FCRLA: variants seen among roughly 807,000 people sequenced by gnomAD.
The protein encoded by FCRLA is Fc receptor-like A.
Under a neutral mutation model 28.4 loss-of-function variants are expected in FCRLA, and 26 were observed. That is an observed-to-expected ratio of 0.91 (90% CI 0.67 to 1.27). The LOEUF (loss-of-function observed/expected upper bound fraction) is 1.27. Among genes scored for constraint, FCRLA ranks in the 50% most tolerant of loss-of-function variants. The probability of loss-of-function intolerance (pLI) is 0.00; values close to 1 mark genes in which losing one functional copy is unlikely to be tolerated. For missense variants in FCRLA, 422 were observed against 433.1 expected (o/e 0.97, Z 0.23); for synonymous variants, 174 against 168.5 (o/e 1.03, Z -0.25).
intron 2 of FCRLA, 49 bp from the exon 3 acceptor site, chr1:161,711,159 C>A: frequency 6.4e-7 from 1 of 1,567,696 alleles, no homozygotes. Context: ...TTGGGGGTGG[C>A]CCCCAAGGGA....
In FCRLA at chr1:161,710,760, C is replaced by T; in HGVS notation, c.80C>T (p.Ala27Val). 2 of 1,614,206 alleles carry T rather than the reference C, an allele frequency of 1.2e-6. No individual in the cohort carries two copies. Among genetic ancestry groups the T allele is most frequent in the Non-Finnish European group, 1.7e-6 (2 of 1,180,040 alleles). The change falls in exon 2 of 5, where the codon GCT (alanine) becomes GTT (valine). Residue 27 changes from alanine (A) to valine (V), a missense_variant and splice_region_variant. Transcript: ENST00000236938. ...TCTCCCTGGGCCATGCCCTCTTCAGCTGCCAGTTTTGAGACGCTGCAGTGT... is the reference window on the plus strand; with the variant it reads ...TCTCCCTGGGCCATGCCCTCTTCAGTTGCCAGTTTTGAGACGCTGCAGTGT... ...GVLWVAQMLL[A>V]ASFETLQCEG...
rs140395904 is a variant in FCRLA at position 161,711,946 on chromosome 1, C to T, written c.512C>T (p.Ala171Val). The T allele has an allele frequency of 7.7e-5, 124 of 1,609,496 alleles. 1 individual carries two copies. Among genetic ancestry groups the T allele is most frequent in the Middle Eastern group, 5.0e-4 (3 of 6,018 alleles). Residue 171 changes from alanine (A) to valine (V), a missense_variant, in exon 4 of 5, where the codon GCG becomes GTG. Coordinates refer to ENST00000236938, the MANE Select transcript of FCRLA (RefSeq NM_032738.4). ...VAITVQELFP[A>V]PILRAVPSAE... is the part of the protein sequence containing the mutation. ...ATCTTTTTCCCAGAACTGTTTCCAG[C>T]GCCAATTCTCAGAGCTGTACCCTCA...
At chr1:161,709,263 G>A (rs113356547) in intron 1 of FCRLA, among the ~76,000 whole-genome samples, 2,763 of 152,172 alleles carry the variant, frequency 0.018, 87 homozygotes, top group African/African-American at 0.064. Flanking sequence ...AAGTAGCTGG[G>A]ACCACAGGCA....
intron 4 of FCRLA, 131 bp from the exon 5 acceptor site, chr1:161,712,954 G>C (rs1571068977): frequency 9.9e-7 from 1 of 1,008,660 alleles, no homozygotes; most frequent in East Asian, 2.4e-5. Flanking sequence ...AGGGACACTA[G>C]AGTCCTCAAG....
At position 161,713,335 on chromosome 1, in the gene FCRLA, A is replaced by G. The variant is rs1209575656; in HGVS notation, c.1035A>G (p.Leu345=). 10 of 1,614,106 alleles carry G rather than the reference A, an allele frequency of 6.2e-6. No homozygotes were observed. The highest frequency in any genetic ancestry group is 1.1e-5 in the South Asian group (1 of 91,094). ...ACCTGCTCATGGAGTTGAGGGAATT[A>G]TCTGGCCACCGGAAGCCTGGGACCA... ...LGHLLMELRE[L]SGHRKPGTTK... The change falls in exon 5 of 5, where the codon TTA becomes TTG. Residue 345 remains leucine (L), a synonymous_variant. Transcript: ENST00000236938.
chr1:161,712,224 TTCG>T lies in FCRLA; in HGVS notation c.784+7_784+9del, dbSNP rs769441376. On this transcript the variant is annotated splice_region_variant and intron_variant, in intron 4 of 4. Coordinates refer to ENST00000236938, the MANE Select transcript of FCRLA (RefSeq NM_032738.4). ...GCTAGAGATCAGAGTGCAGGGTGAG[TTCG>T]CATCAGAGTGCAGGTTGTCTGTTTG... 6.2e-7 allele frequency: 1 copy of T among 1,607,850 alleles called. No individual in the cohort carries two copies. The highest frequency in any genetic ancestry group is 8.5e-7 in the Non-Finnish European group (1 of 1,176,174).
chr1:161,711,170 G>A (rs769715335), intron 2 of FCRLA, 38 bp from the exon 3 acceptor site: 1 of 1,579,716 alleles, frequency 6.3e-7, no homozygotes, highest in African/African-American at 1.3e-5. Flanking sequence ...CCCCAAGGGA[G>A]GCCCTGGGTG....
chr1:161,708,076 T>G (rs1394697105), intron 1 of FCRLA, among the ~76,000 whole-genome samples: 1 of 152,204 alleles, frequency 6.6e-6, no homozygotes, highest in Non-Finnish European at 1.5e-5. Context: ...AGCTTCACAT[T>G]CAAATATCAA....
intron 4 of FCRLA, 82 bp downstream of exon 4, chr1:161,712,300 C>G (rs1683142846): frequency 6.6e-7 from 1 of 1,512,962 alleles, no homozygotes; most frequent in African/African-American, 1.4e-5. Context: ...GACCTGTGAG[C>G]TGGGGTTCAG....
chr1:161,710,944 C>A, intron 2 of FCRLA, 32 bp downstream of exon 2: 1 of 1,608,600 alleles, frequency 6.2e-7, no homozygotes, highest in South Asian at 1.1e-5. Flanking sequence ...AGCAGTGCCC[C>A]AAACCCCTTC....
At position 161,713,407 on chromosome 1, in the gene FCRLA, C is replaced by T; in HGVS notation, c.*27C>T. On this transcript the variant is annotated 3_prime_UTR_variant, in exon 5 of 5. Transcript: ENST00000236938. Reference sequence around the variant, plus strand: ...AGTAAACAGTTCATCCATGATCTCACTTAACCACCCCAATAAATCTGATTC... The same window carrying T: ...AGTAAACAGTTCATCCATGATCTCATTTAACCACCCCAATAAATCTGATTC... The T allele has an allele frequency of 6.4e-7, 1 of 1,550,862 alleles. No individual in the cohort carries two copies. Among genetic ancestry groups the T allele is most frequent in the South Asian group, 1.2e-5 (1 of 85,598 alleles).
At chr1:161,710,584 T>G in intron 1 of FCRLA, 176 bp from the exon 2 acceptor site, 1 of 1,446,712 alleles carries the variant, frequency 6.9e-7, no homozygotes, top group South Asian at 1.2e-5. Flanking sequence ...TGAATCAAGG[T>G]CAAAACTATC....
chr1:161,710,715 T>C (rs963457376), intron 1 of FCRLA, 45 bp from the exon 2 acceptor site: 37 of 1,612,256 alleles, frequency 2.3e-5, no homozygotes, highest in Non-Finnish European at 3.0e-5. Flanking sequence ...TTTCTCCAAG[T>C]TGCATCATCA....
At chr1:161,712,623 G>A (rs986624576) in intron 4 of FCRLA, among the ~76,000 whole-genome samples, 2 of 152,210 alleles carry the variant, frequency 1.3e-5, no homozygotes, top group African/African-American at 4.8e-5. Context: ...TGTCCAGGGT[G>A]ATAAGGGGGC....
chr1:161,712,420 C>T (rs73015461), intron 4 of FCRLA, among the ~76,000 whole-genome samples: 3,222 of 152,266 alleles, frequency 0.021, 98 homozygotes, highest in African/African-American at 0.073. Context: ...GTGGTGCACA[C>T]CTCACCAGAC....
In FCRLA at chr1:161,710,928, G is replaced by A. The variant is rs1268030454; in HGVS notation, c.232+16G>A. The A allele has an allele frequency of 8.7e-6, 14 of 1,611,880 alleles. No homozygotes were observed. The highest frequency in any genetic ancestry group is 1.2e-5 in the Non-Finnish European group (14 of 1,179,582). ...GTGTCCTATGGTGAGGTCCTGGGAA[G>A]GCCTGAGCAGTGCCCCAAACCCCTT... On this transcript the variant is annotated intron_variant, in intron 2 of 4. Transcript: ENST00000236938.
At position 161,711,918 on chromosome 1, in the gene FCRLA, CCTAT is replaced by C. The variant is rs1412433807; in HGVS notation, c.500-13_500-10del. On this transcript the variant is annotated splice_polypyrimidine_tract_variant and intron_variant, in intron 3 of 4. Transcript: ENST00000236938. Reference sequence around the variant, plus strand: ...AAGATGGCTGAGCTCTTCTTTCCTGCCTATCTTTTTCCCAGAACTGTTTCCAGCG... The same window carrying C: ...AAGATGGCTGAGCTCTTCTTTCCTGCCTTTTTCCCAGAACTGTTTCCAGCG... 5 of 1,595,118 alleles carry C rather than the reference CCTAT, an allele frequency of 3.1e-6. No individual in the cohort carries two copies. Among genetic ancestry groups the C allele is most frequent in the Middle Eastern group, 1.7e-4 (1 of 5,952 alleles).
Position 161,713,690 on chromosome 1 carries a change from C to T in FCRLA, c.*310C>T, listed in dbSNP as rs576132754. ...AGTGGATTGAATACAGCAGTCTCAA[C>T]TGGGGGCAATTTTGCCCCCCAGAGG... On this transcript the variant is annotated 3_prime_UTR_variant, in exon 5 of 5. Coordinates refer to ENST00000236938, the MANE Select transcript of FCRLA (RefSeq NM_032738.4). The T allele has an allele frequency of 2.2e-4, 46 of 204,730 alleles. No homozygotes were observed. The highest frequency in any genetic ancestry group is 9.1e-4 in the African/African-American group (39 of 42,986). The allele number at this position is 204,730 out of a possible 1,614,324, so 12.7% of individuals were successfully genotyped here.
At chr1:161,709,359 T>C (rs1165291472) in intron 1 of FCRLA, among the ~76,000 whole-genome samples, 1 of 152,168 alleles carries the variant, frequency 6.6e-6, no homozygotes, top group Non-Finnish European at 1.5e-5. Flanking sequence ...CTCAAACTCC[T>C]GGGCTCAAGG....
Sources: allele counts gnomAD v4.1 joint callset (sites outside exome capture counted in the v4.1 genomes callset), GRCh38; gene constraint gnomAD v4.1.1; transcripts MANE v1.5; gene names NCBI Gene and HGNC (gene_info 2026-07-23, HGNC 2026-07-21).